The following AOAH variants were observed in gnomAD, a reference collection of about 807,000 sequenced individuals.
The protein encoded by AOAH is acyloxyacyl hydrolase.
In AOAH, 64 loss-of-function variants were observed where a neutral mutation model predicts 92.2. That is an observed-to-expected ratio of 0.69 (90% confidence interval 0.57 to 0.86). AOAH has a LOEUF of 0.86. Ranked by LOEUF, AOAH falls within the 40% of genes least tolerant of loss-of-function variation. The probability of loss-of-function intolerance (pLI) is 0.00; values close to 1 mark genes in which losing one functional copy is unlikely to be tolerated. For synonymous variants in AOAH, 263 were observed against 254.5 expected, an observed-to-expected ratio of 1.03 and a Z score of -0.32; for missense variants, 656 against 694.6, an observed-to-expected ratio of 0.94 and a Z score of 0.62.
chr7:36,591,798 T>C (rs1442446375), intron 12 of AOAH, among the ~76,000 whole-genome samples: 1 of 152,092 alleles, frequency 6.6e-6, no homozygotes, highest in East Asian at 1.9e-4. Flanking sequence ...AGGAGCTAAG[T>C]GTGGGTCAAG....
At chr7:36,514,264 G>T (rs969809271) in intron 20 of AOAH, among the ~76,000 whole-genome samples, 1 of 151,694 alleles carries the variant, frequency 6.6e-6, no homozygotes, top group Non-Finnish European at 1.5e-5. Flanking sequence ...AGGACACGGC[G>T]TGTGCAAAGG....
chr7:36,618,215 A>G (rs753393843), intron 10 of AOAH, 82 bp downstream of exon 10: 57 of 1,207,602 alleles, frequency 4.7e-5, no homozygotes, highest in Non-Finnish European at 6.7e-5. Flanking sequence ...GTTCTGACTT[A>G]GGTGGTCTGC....
intron 4 of AOAH, among the ~76,000 whole-genome samples, chr7:36,653,029 T>A (rs1794679516): frequency 6.6e-6 from 1 of 152,214 alleles, no homozygotes; most frequent in Non-Finnish European, 1.5e-5. Context: ...GTTCACATTG[T>A]GGGGAATTAA....
intron 1 of AOAH, among the ~76,000 whole-genome samples, chr7:36,706,272 G>A (rs1370608830): frequency 1.3e-5 from 2 of 152,104 alleles, no homozygotes; most frequent in African/African-American, 4.8e-5. Context: ...TAATCTCCCT[G>A]TACCTCTTCA....
chr7:36,710,808 C>A (rs1432893527), intron 1 of AOAH, among the ~76,000 whole-genome samples: 1 of 152,178 alleles, frequency 6.6e-6, no homozygotes, highest in Non-Finnish European at 1.5e-5. Flanking sequence ...AATTTCACAA[C>A]TTCTGGAGCA....
At chr7:36,715,340 G>T (rs1379101352) in intron 1 of AOAH, among the ~76,000 whole-genome samples, 2 of 152,148 alleles carry the variant, frequency 1.3e-5, no homozygotes, top group Non-Finnish European at 2.9e-5. Context: ...CAAACAAATG[G>T]AAGAACATTC....
At chr7:36,716,459 C>T (rs982055794) in intron 1 of AOAH, among the ~76,000 whole-genome samples, 2 of 149,550 alleles carry the variant, frequency 1.3e-5, no homozygotes, top group African/African-American at 5.0e-5. Flanking sequence ...TTGACCCAGC[C>T]ATCCCATTAC....
At chr7:36,715,507 G>A (rs1283428414) in intron 1 of AOAH, among the ~76,000 whole-genome samples, 69 of 150,680 alleles carry the variant, frequency 4.6e-4, no homozygotes, top group South Asian at 1.5e-3. Context: ...AAAAGAGCCT[G>A]CATTGCCAAG....
chr7:36,528,323 T>C (rs932197175), intron 19 of AOAH, among the ~76,000 whole-genome samples: 1 of 152,214 alleles, frequency 6.6e-6, no homozygotes, highest in Non-Finnish European at 1.5e-5. Context: ...TTAATTCAAC[T>C]TTTTGCTTTT....
At chr7:36,590,900 C>G (rs2727799) in intron 12 of AOAH, among the ~76,000 whole-genome samples, 2 of 152,004 alleles carry the variant, frequency 1.3e-5, no homozygotes, top group African/African-American at 2.4e-5. Flanking sequence ...TTATAACTTT[C>G]TATTCCTTTA....
chr7:36,712,216 C>T (rs1187776851), intron 1 of AOAH, among the ~76,000 whole-genome samples: 3 of 152,144 alleles, frequency 2.0e-5, no homozygotes, highest in Non-Finnish European at 2.9e-5. Flanking sequence ...AATTATGTGG[C>T]CACCTCTGTG....
chr7:36,591,023 G>C (rs4521672), intron 12 of AOAH, among the ~76,000 whole-genome samples: 36,172 of 151,944 alleles, frequency 0.24, 5,259 homozygotes, highest in African/African-American at 0.4. Context: ...TGATCCCACA[G>C]ATGCAGTGTC....
intron 18 of AOAH, chr7:36,530,760 C>T (rs982252111): frequency 5.1e-6 from 2 of 394,140 alleles, no homozygotes; most frequent in Non-Finnish European, 9.2e-6. Flanking sequence ...GTTTTAACAC[C>T]CTTGGGACTG....
chr7:36,533,158 G>A (rs1306052673), intron 16 of AOAH, among the ~76,000 whole-genome samples: 1 of 151,756 alleles, frequency 6.6e-6, no homozygotes, highest in Non-Finnish European at 1.5e-5. Flanking sequence ...GCTCCACCCC[G>A]CTTCCAGCAT....
intron 19 of AOAH, among the ~76,000 whole-genome samples, chr7:36,522,532 C>T (rs1367811435): frequency 6.6e-6 from 1 of 152,180 alleles, no homozygotes; most frequent in Non-Finnish European, 1.5e-5. Flanking sequence ...GTGTCAAGCA[C>T]TTGCCTTTAA....
At chr7:36,625,368 A>T (rs901537073) in intron 6 of AOAH, among the ~76,000 whole-genome samples, 3 of 152,156 alleles carry the variant, frequency 2.0e-5, no homozygotes, top group African/African-American at 7.2e-5. Flanking sequence ...AAGTTTATTT[A>T]ACCTCCCTGA....
At chr7:36,525,962 G>T (rs554534316) in intron 19 of AOAH, among the ~76,000 whole-genome samples, 2 of 152,306 alleles carry the variant, frequency 1.3e-5, no homozygotes, top group South Asian at 4.1e-4. Context: ...ATATTTACTT[G>T]CCAAGCTTTG....
At chr7:36,555,023 T>C (rs1275947690) in intron 13 of AOAH, among the ~76,000 whole-genome samples, 1 of 142,808 alleles carries the variant, frequency 7.0e-6, no homozygotes, top group Non-Finnish European at 1.5e-5. Context: ...AACACTATGT[T>C]GAATAGGAGT....
chr7:36,549,152 T>C (rs140351404), intron 14 of AOAH, among the ~76,000 whole-genome samples: 58 of 152,282 alleles, frequency 3.8e-4, no homozygotes, highest in Admixed American at 7.8e-4. Context: ...CAAATAAGCA[T>C]AAAAAATGTT....
Sources: gnomAD v4.1 joint callset for allele counts (sites outside exome capture counted in the v4.1 genomes callset) on GRCh38, gnomAD v4.1.1 for gene constraint, MANE v1.5 for transcripts, NCBI Gene and HGNC (gene_info 2026-07-23, HGNC 2026-07-21) for gene names.